RUNX1T1: variants seen among roughly 807,000 people sequenced by gnomAD.
The protein encoded by RUNX1T1 is RUNX1 partner transcriptional co-repressor 1.
Under a neutral mutation model 62.8 loss-of-function variants are expected in RUNX1T1, and 4 were observed. The observed-to-expected ratio is 0.06, with a 90% CI of 0.03 to 0.15. The LOEUF is 0.15. Ranked by LOEUF, RUNX1T1 falls within the 10% of genes least tolerant of loss-of-function variation. The probability of loss-of-function intolerance (pLI) is 1.00; values close to 1 mark genes in which losing one functional copy is unlikely to be tolerated. For missense variants in RUNX1T1, 508 were observed against 754.3 expected (o/e 0.67, Z 3.82); for synonymous variants, 291 against 286.0 (o/e 1.02, Z -0.18).
chr8:92,060,549 ATATATG>A lies in RUNX1T1; in HGVS notation c.7+1991_7+1996del, dbSNP rs1331848195. 3.9e-3 allele frequency among the ~76,000 whole-genome samples: 419 copies of A among 106,990 alleles called. 1 individual carries two copies. The highest frequency in any genetic ancestry group is 0.014 in the East Asian group (64 of 4,726). 70.2% of individuals were successfully genotyped at this position (106,990 alleles called of 152,430 possible). On this transcript the variant is annotated intron_variant, in intron 1 of 10. Coordinates refer to ENST00000396218, the Ensembl canonical transcript of RUNX1T1. ...TATATATATATATATATATATATAT[ATATATG>A]TGTGTGTGTGTGTGTGTGTGTGTGT...
intron 8 of RUNX1T1, among the ~76,000 whole-genome samples, chr8:91,981,737 G>C (rs1388953907): frequency 1.3e-5 from 2 of 151,950 alleles, no homozygotes; most frequent in African/African-American, 2.4e-5. Flanking sequence ...TAAATGCTAA[G>C]CTTGATTTTT....
At chr8:92,085,441 T>C (rs1007893318) in intron 1 of RUNX1T1, among the ~76,000 whole-genome samples, 4 of 152,274 alleles carry the variant, frequency 2.6e-5, no homozygotes, top group Admixed American at 6.5e-5. Flanking sequence ...CAGACATTCT[T>C]CTGCTCCTTG....
chr8:91,957,116 A>C (rs957329601), downstream of RUNX1T1: 1 of 216,790 alleles, frequency 4.6e-6, no homozygotes, highest in African/African-American at 2.3e-5. Context: ...CCACCATTCA[A>C]TTCTATCCAA....
Position 92,060,553 on chromosome 8 carries a change from A to ATATATATATATATGTGTGTGTGTGTGTG in RUNX1T1, c.7+1992_7+1993insCACACACACACACACATATATATATATA. Among the ~76,000 whole-genome samples the ATATATATATATATGTGTGTGTGTGTGTG allele has an allele frequency of 1.4e-3, 90 of 63,830 alleles. 1 individual carries two copies. The highest frequency in any genetic ancestry group is 2.1e-3 in the Non-Finnish European group (63 of 30,692). 41.9% of individuals were successfully genotyped at this position (63,830 alleles called of 152,430 possible). A position where few individuals can be genotyped will look rare whatever the true frequency, so the allele number is the denominator to read the frequency against. ...TATATATATATATATATATATATAT[A>ATATATATATATATGTGTGTGTGTGTGTG]TGTGTGTGTGTGTGTGTGTGTGTGT... is the stretch of plus-strand genomic sequence containing the variant. On this transcript the variant is annotated intron_variant, in intron 1 of 10. Transcript: ENST00000396218.
intron 1 of RUNX1T1, among the ~76,000 whole-genome samples, chr8:92,045,089 G>A (rs1400334053): frequency 6.7e-6 from 1 of 149,320 alleles, no homozygotes; most frequent in African/African-American, 2.5e-5. Flanking sequence ...AAAAGATATC[G>A]ATATATATAT....
exon 6 of RUNX1T1, chr8:91,991,763 C>G: frequency 6.2e-7 from 1 of 1,614,058 alleles, no homozygotes; most frequent in Non-Finnish European, 8.5e-7. Context: ...TAGGGTGAGG[C>G]AGGCCATTGG....
intron 8 of RUNX1T1, among the ~76,000 whole-genome samples, chr8:91,981,514 A>C (rs140375838): frequency 2.7e-3 from 388 of 146,326 alleles, no homozygotes; most frequent in African/African-American, 9.3e-3. Context: ...TCCAGGGTTC[A>C]AGCAATACTC....
Position 91,981,210 on chromosome 8 carries a change from TACTG to T in RUNX1T1, c.1198+4910_1198+4913del, listed in dbSNP as rs532539363. Among the ~76,000 whole-genome samples, 16 of 152,228 alleles carry T rather than the reference TACTG, an allele frequency of 1.1e-4. No individual in the cohort carries two copies. In the South Asian group the frequency reaches 3.3e-3, roughly 32 times the overall value. On this transcript the variant is annotated intron_variant, in intron 8 of 10. Coordinates refer to ENST00000396218, the Ensembl canonical transcript of RUNX1T1. ...ATGAGTAATTCGAATCTAGAAATTC[TACTG>T]ACTGAGTTTGTGCTTTCAGTCTTCA...
At chr8:92,085,072 A>G (rs924719587) in intron 1 of RUNX1T1, among the ~76,000 whole-genome samples, 1 of 152,224 alleles carries the variant, frequency 6.6e-6, no homozygotes, top group African/African-American at 2.4e-5. Flanking sequence ...CTATGAGGCC[A>G]TGCCATTATT....
chr8:91,971,371 T>C (rs915653675), intron 9 of RUNX1T1, among the ~76,000 whole-genome samples: 2 of 152,038 alleles, frequency 1.3e-5, no homozygotes, highest in African/African-American at 4.8e-5. Context: ...AACATGAATA[T>C]AGGAGGGTCC....
chr8:92,034,765 T>C (rs1248387163), intron 1 of RUNX1T1, among the ~76,000 whole-genome samples: 2 of 142,848 alleles, frequency 1.4e-5, no homozygotes, highest in Admixed American at 7.3e-5. Context: ...TACACACATA[T>C]ACATATATAT....
intron 1 of RUNX1T1, among the ~76,000 whole-genome samples, chr8:92,084,841 G>A (rs1835849043): frequency 6.6e-6 from 1 of 152,178 alleles, no homozygotes; most frequent in Non-Finnish European, 1.5e-5. Context: ...TGGCAAAGCA[G>A]GGTGTCATTT....
intron 1 of RUNX1T1, among the ~76,000 whole-genome samples, chr8:92,026,861 T>C (rs1187097558): frequency 2.0e-5 from 3 of 148,268 alleles, no homozygotes; most frequent in Non-Finnish European, 4.4e-5. Flanking sequence ...CTCACGCCTG[T>C]AATCCCAGCA....
chr8:91,992,121 A>G (rs1817801216), intron 5 of RUNX1T1, among the ~76,000 whole-genome samples: 1 of 152,184 alleles, frequency 6.6e-6, no homozygotes, highest in African/African-American at 2.4e-5. Context: ...AAATTAGCAA[A>G]TATCTTTTCA....
At chr8:91,969,200 C>A (rs979499145) in intron 10 of RUNX1T1, among the ~76,000 whole-genome samples, 2 of 152,066 alleles carry the variant, frequency 1.3e-5, no homozygotes, top group African/African-American at 4.8e-5. Context: ...GTGTCAAGAT[C>A]ACATATTTTC....
Position 91,970,322 on chromosome 8 carries a change from T to C in RUNX1T1, c.1458+336A>G, listed in dbSNP as rs535010969. ...CACAGTATCTATTAAATCCCTTCAA[T>C]TGGAAAGCAAGCATACACATATGCA... is the stretch of plus-strand genomic sequence containing the variant. On this transcript the variant is annotated intron_variant, in intron 10 of 10. Coordinates refer to ENST00000396218, the Ensembl canonical transcript of RUNX1T1. Among the ~76,000 whole-genome samples, 15 of 152,186 alleles carry C rather than the reference T, an allele frequency of 9.9e-5. No homozygotes were observed. The South Asian group carries it at 1.9e-3, about 19-fold the overall frequency.
intron 5 of RUNX1T1, chr8:92,003,412 T>G: frequency 4.4e-6 from 2 of 455,892 alleles, no homozygotes; most frequent in Non-Finnish European, 4.4e-6. Context: ...TGAAACAGAT[T>G]TTCATATTCC....
chr8:92,077,258 G>A (rs1834564798), intron 1 of RUNX1T1, among the ~76,000 whole-genome samples: 1 of 151,976 alleles, frequency 6.6e-6, no homozygotes, highest in African/African-American at 2.4e-5. Flanking sequence ...TCTTAGTTGG[G>A]AATTGCCTTG....
intron 1 of RUNX1T1, among the ~76,000 whole-genome samples, chr8:92,060,553 A>ATGTGTGTGTGTGTGTGTGTGTG (rs1271953758): frequency 2.0e-4 from 13 of 63,936 alleles, no homozygotes; most frequent in Admixed American, 8.2e-4. Context: ...ATATATATAT[A>ATGTGTGTGTGTGTGTGTGTGTG]TGTGTGTGTG....
Sources: allele counts gnomAD v4.1 joint callset (sites outside exome capture counted in the v4.1 genomes callset), GRCh38; gene constraint gnomAD v4.1.1; transcripts MANE v1.5; gene names NCBI Gene and HGNC (gene_info 2026-07-23, HGNC 2026-07-21).